Variants in RSRC1 observed in about 807,000 individuals in gnomAD.
RSRC1 encodes the protein serine/Arginine-related protein 53.
A neutral mutation model predicts 49.1 loss-of-function variants in RSRC1; 39 were observed. The observed-to-expected ratio is 0.79, with a 90% CI of 0.61 to 1.04. The LOEUF (loss-of-function observed/expected upper bound fraction) is 1.04. RSRC1 is among the 50% of genes least tolerant of loss of function. The pLI is 0.00. For missense variants in RSRC1, 388 were observed against 402.4 expected (o/e 0.96, Z 0.31); for synonymous variants, 143 against 130.8 (o/e 1.09, Z -0.63).
At chr3:158,164,272 C>T (rs1054659031) in intron 3 of RSRC1, among the ~76,000 whole-genome samples, 1 of 151,376 alleles carries the variant, frequency 6.6e-6, no homozygotes, top group African/African-American at 2.4e-5. Context: ...TATCATATGT[C>T]GAACTATAGC....
intron 7 of RSRC1, among the ~76,000 whole-genome samples, chr3:158,478,128 TTGGA>T (rs1271999267): frequency 6.6e-6 from 1 of 151,822 alleles, no homozygotes; most frequent in Non-Finnish European, 1.5e-5. Flanking sequence ...ATTAGTGAAT[TTGGA>T]TTATATAGGA....
chr3:158,199,031 G>C (rs928714286), intron 3 of RSRC1, among the ~76,000 whole-genome samples: 12 of 152,172 alleles, frequency 7.9e-5, no homozygotes, highest in Non-Finnish European at 1.5e-4. Flanking sequence ...CACGTGTGGT[G>C]GGAGGGACCC....
chr3:158,415,549 A>G (rs1026285735), intron 6 of RSRC1, among the ~76,000 whole-genome samples: 2 of 152,028 alleles, frequency 1.3e-5, no homozygotes. Context: ...GGGTGTTAAT[A>G]TTGAACATTA....
intron 6 of RSRC1, among the ~76,000 whole-genome samples, chr3:158,439,012 G>C (rs1290096967): frequency 3.9e-5 from 6 of 152,100 alleles, no homozygotes; most frequent in Non-Finnish European, 2.9e-5. Flanking sequence ...AGGATATGAA[G>C]AGGCACTTCT....
At chr3:158,208,591 A>G (rs1417373453) in intron 4 of RSRC1, among the ~76,000 whole-genome samples, 1 of 152,138 alleles carries the variant, frequency 6.6e-6, no homozygotes, top group Non-Finnish European at 1.5e-5. Context: ...GGCTGGCCTC[A>G]AACTCCTGGT....
intron 3 of RSRC1, among the ~76,000 whole-genome samples, chr3:158,157,080 A>C (rs1717923093): frequency 6.6e-6 from 1 of 152,232 alleles, no homozygotes; most frequent in South Asian, 2.1e-4. Flanking sequence ...CACTTTTAAA[A>C]AGGGTTAGAT....
intron 6 of RSRC1, among the ~76,000 whole-genome samples, chr3:158,422,848 G>T (rs12635901): frequency 0.46 from 68,626 of 147,836 alleles, 16,115 homozygotes; most frequent in South Asian, 0.59. Context: ...ATTTTTTCAT[G>T]TGTTTTTTGG....
chr3:158,225,030 A>G (rs1282822067), intron 4 of RSRC1, among the ~76,000 whole-genome samples: 1 of 151,874 alleles, frequency 6.6e-6, no homozygotes, highest in African/African-American at 2.4e-5. Context: ...ACCAATCTTG[A>G]TAATTTTCAT....
chr3:158,252,974 T>A (rs938097427), intron 4 of RSRC1, among the ~76,000 whole-genome samples: 1 of 152,060 alleles, frequency 6.6e-6, no homozygotes, highest in Non-Finnish European at 1.5e-5. Context: ...TTCTTCTCTC[T>A]TTTTCTCTTA....
intron 5 of RSRC1, among the ~76,000 whole-genome samples, chr3:158,322,846 C>A (rs1728841730): frequency 1.3e-5 from 2 of 151,956 alleles, no homozygotes. Context: ...TTTTATCAAT[C>A]TGTTTTTATA....
intron 3 of RSRC1, among the ~76,000 whole-genome samples, chr3:158,199,590 A>G (rs1720904301): frequency 6.6e-6 from 1 of 152,110 alleles, no homozygotes; most frequent in Non-Finnish European, 1.5e-5. Flanking sequence ...AGCTTCTTCA[A>G]GTGAAACCTT....
At chr3:158,344,090 C>G (rs1197550386) in intron 5 of RSRC1, among the ~76,000 whole-genome samples, 1 of 151,946 alleles carries the variant, frequency 6.6e-6, no homozygotes, top group Non-Finnish European at 1.5e-5. Context: ...AAAACCCCGT[C>G]TCTACAAAAT....
At chr3:158,365,591 A>G (rs1731718496) in intron 6 of RSRC1, among the ~76,000 whole-genome samples, 1 of 152,224 alleles carries the variant, frequency 6.6e-6, no homozygotes, top group Admixed American at 6.5e-5. Flanking sequence ...TATTGTAAAC[A>G]GTGCTGCAGT....
chr3:158,257,453 G>T (rs1204443732), intron 4 of RSRC1, among the ~76,000 whole-genome samples: 2 of 152,016 alleles, frequency 1.3e-5, no homozygotes, highest in East Asian at 3.9e-4. Context: ...TATACATATG[G>T]TTATTCCTGC....
At chr3:158,281,045 T>C (rs1016698558) in intron 4 of RSRC1, among the ~76,000 whole-genome samples, 6 of 152,110 alleles carry the variant, frequency 3.9e-5, no homozygotes, top group African/African-American at 1.4e-4. Context: ...ATGACAGAAT[T>C]AAGAAAGACT....
intron 4 of RSRC1, among the ~76,000 whole-genome samples, chr3:158,271,441 GCAGT>G (rs1174609795): frequency 6.6e-6 from 1 of 152,118 alleles, no homozygotes; most frequent in African/African-American, 2.4e-5. Context: ...GCCTGCATGA[GCAGT>G]CAGAGTAGAG....
chr3:158,456,577 GA>G (rs1049931225), intron 6 of RSRC1, among the ~76,000 whole-genome samples: 10 of 152,104 alleles, frequency 6.6e-5, no homozygotes, highest in African/African-American at 9.7e-5. Context: ...AGTACCTATG[GA>G]AAAAAGAAGC....
At chr3:158,396,931 C>T (rs1055233024) in intron 6 of RSRC1, among the ~76,000 whole-genome samples, 1 of 152,014 alleles carries the variant, frequency 6.6e-6, no homozygotes, top group African/African-American at 2.4e-5. Flanking sequence ...TTTATTAACC[C>T]CATTTTACAT....
At chr3:158,457,201 A>G (rs946927961) in intron 6 of RSRC1, among the ~76,000 whole-genome samples, 1 of 152,180 alleles carries the variant, frequency 6.6e-6, no homozygotes, top group Non-Finnish European at 1.5e-5. Context: ...GTAAAAAGAA[A>G]TGAGGTCCCG....
Sources: gnomAD v4.1 joint callset for allele counts (sites outside exome capture counted in the v4.1 genomes callset) on GRCh38, gnomAD v4.1.1 for gene constraint, MANE v1.5 for transcripts, NCBI Gene and HGNC (gene_info 2026-07-23, HGNC 2026-07-21) for gene names.